Variants in RYR2 observed in about 807,000 individuals in gnomAD.
The protein encoded by RYR2 is ryanodine receptor 2.
In RYR2, 227 loss-of-function variants were observed where a neutral mutation model predicts 601.1. The ratio of observed to expected loss-of-function variants is 0.38; its 90% CI spans 0.34 to 0.42. The LOEUF (loss-of-function observed/expected upper bound fraction) is 0.42, where lower values mean the gene tolerates loss of function less well. Ranked by LOEUF, RYR2 falls within the 10% of genes least tolerant of loss-of-function variation. RYR2 has a pLI of 1.00. For missense variants in RYR2, 4,646 were observed against 6,156.5 expected (o/e 0.75, Z 8.21); for synonymous variants, 2,223 against 2,175.1 (o/e 1.02, Z -0.61).
In RYR2 at chr1:237,143,310, G is replaced by A. The variant is rs1571995722; in HGVS notation, c.48+100741G>A. On this transcript the variant is annotated intron_variant, in intron 1 of 104. Coordinates refer to ENST00000366574, the MANE Select transcript of RYR2 (RefSeq NM_001035.3). Reference sequence around the variant, plus strand: ...ATGGTAGCCACAGTGTCAGGGTCCCGCCTGTATCTCTGATCTCATTCCATC... The same window carrying A: ...ATGGTAGCCACAGTGTCAGGGTCCCACCTGTATCTCTGATCTCATTCCATC... Among the ~76,000 whole-genome samples the A allele has an allele frequency of 2.6e-5, 4 of 152,242 alleles. 1 individual carries two copies. Among genetic ancestry groups the A allele is most frequent in the Admixed American group, 2.6e-4 (4 of 15,296 alleles).
At chr1:237,281,799 T>A (rs12046077) in intron 2 of RYR2, among the ~76,000 whole-genome samples, 1 of 152,008 alleles carries the variant, frequency 6.6e-6, no homozygotes, top group African/African-American at 2.4e-5. Context: ...AGAATAGGGA[T>A]TGTGGTTTTG....
intron 2 of RYR2, among the ~76,000 whole-genome samples, chr1:237,329,418 G>A (rs1256098966): frequency 2.0e-5 from 3 of 151,880 alleles, no homozygotes; most frequent in Admixed American, 6.6e-5. Context: ...GAGGTGGGGC[G>A]GATCACGAGG....
At chr1:237,497,068 A>G (rs1366098386) in intron 20 of RYR2, among the ~76,000 whole-genome samples, 1 of 152,248 alleles carries the variant, frequency 6.6e-6, no homozygotes, top group South Asian at 2.1e-4. Context: ...ATTCCGAAGC[A>G]TGAATGAACT....
intron 70 of RYR2, among the ~76,000 whole-genome samples, chr1:237,711,307 A>T (rs1387882603): frequency 1.3e-5 from 2 of 152,194 alleles, no homozygotes; most frequent in East Asian, 3.8e-4. Flanking sequence ...TATGTTCCCA[A>T]ATTAAAAGGG....
chr1:237,698,942 A>G, intron 63 of RYR2, 23 bp from the exon 64 acceptor site: 1 of 1,455,912 alleles, frequency 6.9e-7, no homozygotes. Flanking sequence ...GGCAATTTAT[A>G]CAGCATTTTG....
chr1:237,346,846 A>G (rs1380352559), intron 3 of RYR2, among the ~76,000 whole-genome samples: 2 of 152,214 alleles, frequency 1.3e-5, no homozygotes, highest in African/African-American at 4.8e-5. Context: ...ATGATATTAC[A>G]GTATGGAGAG....
chr1:237,738,267 G>T lies in RYR2; in HGVS notation c.11092-4029G>T, dbSNP rs183372947. On this transcript the variant is annotated intron_variant, in intron 79 of 104. Coordinates refer to ENST00000366574, the MANE Select transcript of RYR2 (RefSeq NM_001035.3). ...TGTTTTTTAAACTTAGGAACACAGA[G>T]TTGGGTTAATGATAACTCTGAATTC... Among the ~76,000 whole-genome samples the T allele has an allele frequency of 2.7e-4, 41 of 152,284 alleles. 1 individual carries two copies. Among genetic ancestry groups the T allele is most frequent in the Admixed American group, 2.6e-3 (40 of 15,290 alleles).
intron 27 of RYR2, among the ~76,000 whole-genome samples, chr1:237,554,685 T>A (rs1225154326): frequency 2.0e-5 from 3 of 152,034 alleles, no homozygotes; most frequent in African/African-American, 4.8e-5. Flanking sequence ...TTAGATTTTC[T>A]ATTTATTTGT....
At chr1:237,824,430 A>T (rs894622599) in intron 101 of RYR2, among the ~76,000 whole-genome samples, 1 of 152,204 alleles carries the variant, frequency 6.6e-6, no homozygotes, top group Non-Finnish European at 1.5e-5. Context: ...CAAAAACCAC[A>T]TGATTATCTC....
chr1:237,284,541 AGTGTGTGT>A (rs1421191610), intron 2 of RYR2, among the ~76,000 whole-genome samples: 6 of 107,896 alleles, frequency 5.6e-5, no homozygotes, highest in African/African-American at 1.0e-4. Context: ...GTATATATAT[AGTGTGTGT>A]ATATATATAT....
intron 4 of RYR2, among the ~76,000 whole-genome samples, chr1:237,359,151 G>A (rs1699558139): frequency 6.6e-6 from 1 of 152,134 alleles, no homozygotes; most frequent in South Asian, 2.1e-4. Flanking sequence ...TTATAGCTTA[G>A]CTTAGCCTCC....
At chr1:237,277,175 TACTC>T (rs1169987412) in intron 2 of RYR2, among the ~76,000 whole-genome samples, 1 of 152,240 alleles carries the variant, frequency 6.6e-6, no homozygotes, top group African/African-American at 2.4e-5. Context: ...CCTTTGAACT[TACTC>T]ATAGGGAAAA....
intron 71 of RYR2, among the ~76,000 whole-genome samples, chr1:237,712,386 T>G (rs1021937472): frequency 2.0e-5 from 3 of 151,944 alleles, no homozygotes; most frequent in Admixed American, 1.3e-4. Flanking sequence ...GGCTCTGGGT[T>G]GGTTGACTTG....
chr1:237,641,529 TTCTTTC>T, intron 47 of RYR2, among the ~76,000 whole-genome samples: 1 of 145,150 alleles, frequency 6.9e-6, no homozygotes, highest in Admixed American at 6.9e-5. Flanking sequence ...TTCTTTCTTT[TTCTTTC>T]TTTTCTCTCT....
At chr1:237,543,039 G>A (rs1455971679) in intron 25 of RYR2, among the ~76,000 whole-genome samples, 3 of 152,142 alleles carry the variant, frequency 2.0e-5, no homozygotes, top group Admixed American at 6.5e-5. Context: ...TAAGGCATAA[G>A]GGCTTTGTTC....
chr1:237,657,128 A>C (rs959273301), intron 53 of RYR2, among the ~76,000 whole-genome samples: 1 of 152,180 alleles, frequency 6.6e-6, no homozygotes, highest in African/African-American at 2.4e-5. Context: ...GGACTTCTTA[A>C]CAGATACAGG....
intron 3 of RYR2, 81 bp from the exon 4 acceptor site, chr1:237,355,884 C>G (rs368329159): frequency 2.4e-6 from 3 of 1,250,836 alleles, no homozygotes; most frequent in African/African-American, 1.5e-5. Context: ...AAATTGATAT[C>G]AATTCATTTA....
intron 44 of RYR2, among the ~76,000 whole-genome samples, chr1:237,637,891 A>T (rs1681040580): frequency 6.6e-6 from 1 of 152,094 alleles, no homozygotes; most frequent in Non-Finnish European, 1.5e-5. Context: ...CTGACAAGGA[A>T]TTGCGGGTGG....
chr1:237,189,219 G>A (rs1679697516), intron 1 of RYR2, among the ~76,000 whole-genome samples: 1 of 152,102 alleles, frequency 6.6e-6, no homozygotes, highest in South Asian at 2.1e-4. Context: ...GCATGCCATA[G>A]AATTTCCTTC....
Sources: allele counts gnomAD v4.1 joint callset (sites outside exome capture counted in the v4.1 genomes callset), GRCh38; gene constraint gnomAD v4.1.1; transcripts MANE v1.5; gene names NCBI Gene and HGNC (gene_info 2026-07-23, HGNC 2026-07-21).